Variants in RAPGEF4 observed in about 807,000 individuals in gnomAD.
RAPGEF4 encodes the protein Rap guanine nucleotide exchange factor 4, also known as RAP guanine-nucleotide-exchange factor (GEF) 4.
A neutral mutation model predicts 147.9 loss-of-function variants in RAPGEF4; 66 were observed. That is an observed-to-expected ratio of 0.45 (90% confidence interval 0.37 to 0.55). RAPGEF4 has a LOEUF of 0.55. RAPGEF4 is among the 20% of genes least tolerant of loss of function. RAPGEF4 has a pLI of 0.00. For synonymous variants in RAPGEF4, 419 were observed against 442.7 expected (o/e 0.95, Z 0.67); for missense variants, 1,071 against 1,257.3 (o/e 0.85, Z 2.24).
chr2:172,876,918 T>C (rs924702100), intron 4 of RAPGEF4, among the ~76,000 whole-genome samples: 1 of 152,210 alleles, frequency 6.6e-6, no homozygotes, highest in African/African-American at 2.4e-5. Flanking sequence ...TGCCTTAATT[T>C]CAGAGCCTGT....
intron 3 of RAPGEF4, among the ~76,000 whole-genome samples, chr2:172,804,401 A>C (rs1338480088): frequency 6.6e-6 from 1 of 152,190 alleles, no homozygotes; most frequent in Non-Finnish European, 1.5e-5. Context: ...TTTCATCAGC[A>C]ATATACCCAG....
chr2:172,961,986 G>A lies in RAPGEF4; in HGVS notation c.698+758G>A, dbSNP rs115581884. On this transcript the variant is annotated intron_variant, in intron 8 of 30. Transcript: ENST00000397081. ...AGAATATGGATTCCTAATTATAGTTGTCACTGGAGTTAAGAAATGACAGAG... is the reference window on the plus strand; with the variant it reads ...AGAATATGGATTCCTAATTATAGTTATCACTGGAGTTAAGAAATGACAGAG... Among the ~76,000 whole-genome samples, 639 of 152,244 alleles carry A rather than the reference G, an allele frequency of 4.2e-3. 5 individuals carry two copies. The highest frequency in any genetic ancestry group is 0.015 in the African/African-American group (606 of 41,540).
At chr2:173,014,162 C>T (rs1205878278) in intron 17 of RAPGEF4, among the ~76,000 whole-genome samples, 2 of 152,174 alleles carry the variant, frequency 1.3e-5, no homozygotes, top group African/African-American at 4.8e-5. Flanking sequence ...AAGGCAGATC[C>T]TGGCAGAGAA....
chr2:172,895,841 T>C (rs1698420154), intron 4 of RAPGEF4, among the ~76,000 whole-genome samples: 1 of 152,148 alleles, frequency 6.6e-6, no homozygotes, highest in African/African-American at 2.4e-5. Context: ...GAATGATTGG[T>C]TTACCTAGAT....
chr2:172,929,818 G>C (rs920418784), intron 6 of RAPGEF4, among the ~76,000 whole-genome samples: 3 of 152,176 alleles, frequency 2.0e-5, no homozygotes, highest in African/African-American at 7.2e-5. Context: ...TGTGGCCTCA[G>C]GACAGGGATT....
intron 1 of RAPGEF4, among the ~76,000 whole-genome samples, chr2:172,740,725 A>G (rs1694225456): frequency 6.6e-6 from 1 of 152,224 alleles, no homozygotes; most frequent in African/African-American, 2.4e-5. Flanking sequence ...CCATGTCCCA[A>G]GGGATGACAT....
At chr2:173,009,399 G>A (rs1694796669) in intron 17 of RAPGEF4, among the ~76,000 whole-genome samples, 1 of 152,190 alleles carries the variant, frequency 6.6e-6, no homozygotes, top group South Asian at 2.1e-4. Flanking sequence ...AGAAAGTGCA[G>A]GAATTAACAG....
chr2:172,783,340 G>C (rs1327862733), intron 1 of RAPGEF4, among the ~76,000 whole-genome samples: 1 of 152,162 alleles, frequency 6.6e-6, no homozygotes, highest in Non-Finnish European at 1.5e-5. Flanking sequence ...ATCTCATTTG[G>C]GATCTTGAGG....
intron 13 of RAPGEF4, 71 bp downstream of exon 13, chr2:172,988,343 T>C: frequency 6.5e-7 from 1 of 1,527,656 alleles, no homozygotes. Flanking sequence ...GTATTAGCAA[T>C]GTAGTGCCAC....
chr2:172,737,016 C>T (rs2149406566), intron 1 of RAPGEF4, among the ~76,000 whole-genome samples: 1 of 152,328 alleles, frequency 6.6e-6, no homozygotes, highest in South Asian at 2.1e-4. Flanking sequence ...TTTCAATTAA[C>T]AGATTCGTAA....
intron 4 of RAPGEF4, among the ~76,000 whole-genome samples, chr2:172,879,197 T>G (rs1696322147): frequency 6.6e-6 from 1 of 152,172 alleles, no homozygotes; most frequent in African/African-American, 2.4e-5. Flanking sequence ...AAATCATAAT[T>G]CATGCTTAAC....
chr2:172,991,184 C>A (rs963963485), intron 15 of RAPGEF4, among the ~76,000 whole-genome samples: 3 of 152,078 alleles, frequency 2.0e-5, no homozygotes, highest in African/African-American at 7.2e-5. Flanking sequence ...ATACAGTGTT[C>A]AACTGTAATA....
intron 6 of RAPGEF4, among the ~76,000 whole-genome samples, chr2:172,955,505 C>A (rs576021554): frequency 6.6e-6 from 1 of 152,174 alleles, no homozygotes; most frequent in African/African-American, 2.4e-5. Context: ...TTATCTGTCC[C>A]CCCTGCCTCG....
At chr2:172,977,833 T>C (rs1173377033) in intron 10 of RAPGEF4, among the ~76,000 whole-genome samples, 2 of 152,196 alleles carry the variant, frequency 1.3e-5, no homozygotes, top group East Asian at 3.8e-4. Context: ...AGTCCTGACT[T>C]CTCTCACATC....
intron 4 of RAPGEF4, among the ~76,000 whole-genome samples, chr2:172,817,601 C>T (rs1688626098): frequency 6.6e-6 from 1 of 152,044 alleles, no homozygotes; most frequent in African/African-American, 2.4e-5. Context: ...TGAATCATCA[C>T]TGAACAGTAA....
chr2:172,808,020 A>G (rs548788372), intron 3 of RAPGEF4, among the ~76,000 whole-genome samples: 17 of 152,364 alleles, frequency 1.1e-4, no homozygotes, highest in Admixed American at 3.3e-4. Flanking sequence ...ATTGATTGTT[A>G]GCTATTTTAA....
chr2:172,843,103 T>C (rs1371998016), intron 4 of RAPGEF4, among the ~76,000 whole-genome samples: 2 of 152,108 alleles, frequency 1.3e-5, no homozygotes, highest in African/African-American at 4.8e-5. Flanking sequence ...TGCAGGATCG[T>C]TGGAGGTGGT....
intron 4 of RAPGEF4, among the ~76,000 whole-genome samples, chr2:172,853,060 G>A (rs1411535234): frequency 6.6e-6 from 1 of 151,938 alleles, no homozygotes; most frequent in Non-Finnish European, 1.5e-5. Context: ...GATATTTGCT[G>A]TAATTGTTAA....
chr2:172,960,092 A>C (rs1288053242), intron 6 of RAPGEF4, among the ~76,000 whole-genome samples: 1 of 152,110 alleles, frequency 6.6e-6, no homozygotes, highest in South Asian at 2.1e-4. Flanking sequence ...GACCCCATCT[A>C]TTTAAAAACT....
Sources: allele counts gnomAD v4.1 joint callset (sites outside exome capture counted in the v4.1 genomes callset), GRCh38; gene constraint gnomAD v4.1.1; transcripts MANE v1.5; gene names NCBI Gene and HGNC (gene_info 2026-07-23, HGNC 2026-07-21).